The following ZNF506 variants were observed in gnomAD, a reference collection of about 807,000 sequenced individuals.
ZNF506 encodes the protein zinc finger protein 506.
A neutral mutation model predicts 11.6 loss-of-function variants in ZNF506; 10 were observed. The observed-to-expected ratio is 0.86, with a 90% CI of 0.53 to 1.46. ZNF506 has a LOEUF of 1.46. Among genes scored for constraint, ZNF506 ranks in the 40% most tolerant of loss-of-function variants. The probability of loss-of-function intolerance (pLI) is 0.00; values close to 1 mark genes in which losing one functional copy is unlikely to be tolerated. For missense variants in ZNF506, 425 were observed against 521.2 expected (o/e 0.82, Z 1.80); for synonymous variants, 156 against 173.3 (o/e 0.90, Z 0.78).
chr19:19,792,748 AT>A lies in ZNF506; in HGVS notation c.*1803del, dbSNP rs1222752414. ...ATCTTTATTAATAAAGTAATTCATT[AT>A]AATTTTTGAAAAAAAAAGTTTTAAA... On this transcript the variant is annotated 3_prime_UTR_variant, in exon 4 of 4. Transcript: ENST00000540806. Among the ~76,000 whole-genome samples, 5 of 50,722 alleles carry A rather than the reference AT, an allele frequency of 9.9e-5. No individual in the cohort carries two copies. Among genetic ancestry groups the A allele is most frequent in the Admixed American group, 6.2e-4 (2 of 3,242 alleles). The allele number at this position is 50,722 out of a possible 152,430, so 33.3% of individuals were successfully genotyped here.
intron 1 of ZNF506, among the ~76,000 whole-genome samples, chr19:19,820,895 C>T (rs910597397): frequency 3.3e-5 from 5 of 151,890 alleles, no homozygotes; most frequent in Non-Finnish European, 5.9e-5. Context: ...CGGTGACTCC[C>T]CCCTCCCCGT....
Position 19,794,291 on chromosome 19 carries a change from C to T in ZNF506, c.*261G>A, listed in dbSNP as rs182068402. ...TGCCATTGCACTCCAGCCTGGGTGACAAGAGTGAAACTCCATCTCAAAAAA... is the reference window on the plus strand; with the variant it reads ...TGCCATTGCACTCCAGCCTGGGTGATAAGAGTGAAACTCCATCTCAAAAAA... On this transcript the variant is annotated 3_prime_UTR_variant, in exon 4 of 4. Transcript: ENST00000540806. The T allele has an allele frequency of 1.2e-3, 370 of 300,250 alleles. 1 individual carries two copies. The highest frequency in any genetic ancestry group is 7.7e-3 in the African/African-American group (350 of 45,612). 18.6% of individuals were successfully genotyped at this position (300,250 alleles called of 1,614,324 possible). A position where few individuals can be genotyped will look rare whatever the true frequency, so the allele number is the denominator to read the frequency against.
intron 1 of ZNF506, among the ~76,000 whole-genome samples, chr19:19,807,843 C>T (rs1049049224): frequency 1.3e-5 from 2 of 151,866 alleles, no homozygotes; most frequent in South Asian, 4.2e-4. Flanking sequence ...ACCAGTAATG[C>T]CAATGTTTTT....
intron 1 of ZNF506, among the ~76,000 whole-genome samples, chr19:19,812,183 T>A (rs1371430604): frequency 2.0e-5 from 3 of 152,220 alleles, no homozygotes; most frequent in African/African-American, 7.2e-5. Context: ...TCATTTCTCT[T>A]ACACTGAGAC....
At chr19:19,795,835 AC>A in intron 3 of ZNF506, 175 bp from the exon 4 acceptor site, 1 of 649,892 alleles carries the variant, frequency 1.5e-6, no homozygotes, top group Non-Finnish European at 2.5e-6. Flanking sequence ...TGACCAAAAT[AC>A]ATTTGTAAAA....
chr19:19,794,819 G>C lies in ZNF506; in HGVS notation c.1068C>G (p.Leu356=). 2 of 1,611,966 alleles carry C rather than the reference G, an allele frequency of 1.2e-6. No homozygotes were observed. The highest frequency in any genetic ancestry group is 1.7e-6 in the Non-Finnish European group (2 of 1,179,476). Residue 356 remains leucine (L), a synonymous_variant, in exon 4 of 4, where the codon CTC becomes CTG. Coordinates refer to ENST00000540806, the MANE Select transcript of ZNF506 (RefSeq NM_001099269.3). ...CGKTFTWYSS[L]SKHKRAHTGE... The stretch of plus-strand genomic sequence containing the variant: ...CAGTATGAGCTCTCTTATGTTTAGA[G>C]AGGCTTGAGTACCAGGTAAAGGTTT...
Position 19,794,548 on chromosome 19 carries a change from T to C in ZNF506, c.*4A>G. The C allele has an allele frequency of 6.3e-7, 1 of 1,579,208 alleles. No homozygotes were observed. The highest frequency in any genetic ancestry group is 2.2e-5 in the East Asian group (1 of 44,722). ...ACATTCATACGGTTTCTCTCCAGTA[T>C]GAATTATCTTATGCTTATTAAGGGT... On this transcript the variant is annotated 3_prime_UTR_variant, in exon 4 of 4. Coordinates refer to ENST00000540806, the MANE Select transcript of ZNF506 (RefSeq NM_001099269.3).
intron 1 of ZNF506, among the ~76,000 whole-genome samples, chr19:19,819,558 G>C (rs1339680252): frequency 6.6e-6 from 1 of 152,018 alleles, no homozygotes; most frequent in Admixed American, 6.6e-5. Flanking sequence ...TTTATCCCCA[G>C]AAAGTACTAA....
Position 19,793,510 on chromosome 19 carries a change from T to A in ZNF506, c.*1042A>T, listed in dbSNP as rs966918863. ...CTTCAGGTTTTCCTCTAGTACACAA[T>A]GTGTGCAACAAGATCTGTGATACAA... On this transcript the variant is annotated 3_prime_UTR_variant, in exon 4 of 4. Transcript: ENST00000540806. Among the ~76,000 whole-genome samples the A allele has an allele frequency of 6.6e-6, 1 of 152,208 alleles. No individual in the cohort carries two copies. Among genetic ancestry groups the A allele is most frequent in the Admixed American group, 6.5e-5 (1 of 15,282 alleles).
chr19:19,797,452 A>C (rs1033329595), intron 3 of ZNF506: 2 of 149,828 alleles, frequency 1.3e-5, no homozygotes, highest in Non-Finnish European at 3.0e-5. Flanking sequence ...AAAAAAAAAA[A>C]AAACAAATAA....
chr19:19,820,278 G>A (rs1307121628), intron 1 of ZNF506: 1 of 152,156 alleles, frequency 6.6e-6, no homozygotes, highest in Non-Finnish European at 1.5e-5. Context: ...CAAAACTCAA[G>A]TGTATTCTTT....
At chr19:19,800,535 C>T (rs1309660553) in intron 3 of ZNF506, among the ~76,000 whole-genome samples, 1 of 151,308 alleles carries the variant, frequency 6.6e-6, no homozygotes, top group East Asian at 2.0e-4. Flanking sequence ...CCCTGCGTCA[C>T]CCTCCTGAGT....
At chr19:19,798,653 T>C (rs1278371505) in intron 3 of ZNF506, 1 of 10,836 alleles carries the variant, frequency 9.2e-5, no homozygotes, top group Non-Finnish European at 1.3e-4. Flanking sequence ...AGACTCCGTC[T>C]CAAAAAAAAA....
chr19:19,798,999 T>C (rs1274812193), intron 3 of ZNF506: 1 of 152,396 alleles, frequency 6.6e-6, no homozygotes, highest in East Asian at 1.9e-4. Context: ...TTCATGTAAA[T>C]ACTAACAAAA....
intron 3 of ZNF506, among the ~76,000 whole-genome samples, chr19:19,801,992 T>C (rs1256753901): frequency 6.6e-6 from 1 of 150,442 alleles, no homozygotes; most frequent in Non-Finnish European, 1.5e-5. Flanking sequence ...TCACCTGAGG[T>C]CAGGAGTTCA....
At chr19:19,808,871 G>A (rs1247554384) in intron 1 of ZNF506, among the ~76,000 whole-genome samples, 3 of 138,836 alleles carry the variant, frequency 2.2e-5, no homozygotes, top group Non-Finnish European at 3.1e-5. Flanking sequence ...AAAGAAACAT[G>A]TTTTATGCAA....
intron 3 of ZNF506, among the ~76,000 whole-genome samples, chr19:19,804,703 A>G (rs937677834): frequency 1.3e-5 from 2 of 152,228 alleles, no homozygotes; most frequent in African/African-American, 4.8e-5. Context: ...TCAATGACAG[A>G]CTGGATTAAG....
intron 1 of ZNF506, among the ~76,000 whole-genome samples, chr19:19,807,469 GTTTT>G (rs552773353): frequency 3.3e-5 from 5 of 151,130 alleles, no homozygotes; most frequent in African/African-American, 1.2e-4. Context: ...TGTTATGCAG[GTTTT>G]TTTTTCCAGA....
At chr19:19,796,226 A>G (rs556795581) in intron 3 of ZNF506, 19 of 153,480 alleles carry the variant, frequency 1.2e-4, no homozygotes, top group African/African-American at 3.8e-4. Flanking sequence ...GATTGTAGTG[A>G]GCCAAGATCA....
Sources: allele counts gnomAD v4.1 joint callset (sites outside exome capture counted in the v4.1 genomes callset), GRCh38; gene constraint gnomAD v4.1.1; transcripts MANE v1.5; gene names NCBI Gene and HGNC (gene_info 2026-07-23, HGNC 2026-07-21).